Variants in IL1RAPL1 observed in about 807,000 individuals in gnomAD.
The protein encoded by IL1RAPL1 is interleukin 1 receptor accessory protein like 1.
A neutral mutation model predicts 48.4 loss-of-function variants in IL1RAPL1; 3 were observed. The ratio of observed to expected loss-of-function variants is 0.06; its 90% CI spans 0.03 to 0.16. IL1RAPL1 has a LOEUF of 0.16. Among genes scored for constraint, IL1RAPL1 ranks in the 10% least tolerant of loss-of-function variants. The pLI, the probability that IL1RAPL1 is intolerant of heterozygous loss-of-function variation, is 1.00. For synonymous variants in IL1RAPL1, 185 were observed against 187.7 expected (o/e 0.99, Z 0.12); for missense variants, 349 against 530.6 (o/e 0.66, Z 3.36).
intron 1 of IL1RAPL1, among the ~76,000 whole-genome samples, chrX:28,776,562 C>T (rs1026658852): frequency 1.8e-5 from 2 of 111,783 alleles, no homozygotes; most frequent in Non-Finnish European, 3.8e-5. Flanking sequence ...GCATAGTCTG[C>T]AGGTTGAACA....
At chrX:28,775,718 A>G (rs1366211122) in intron 1 of IL1RAPL1, among the ~76,000 whole-genome samples, 2 of 112,742 alleles carry the variant, frequency 1.8e-5, no homozygotes, top group African/African-American at 6.4e-5. Context: ...TTTGTGTCTC[A>G]CTTAGTTCCA....
chrX:28,687,923 G>A (rs1443081726), intron 1 of IL1RAPL1, among the ~76,000 whole-genome samples: 4 of 110,563 alleles, frequency 3.6e-5, no homozygotes, highest in Non-Finnish European at 7.6e-5. Context: ...CCAACATGGC[G>A]AAACTTCGTC....
intron 2 of IL1RAPL1, among the ~76,000 whole-genome samples, chrX:28,990,573 A>G (rs1925580244): frequency 8.9e-6 from 1 of 111,971 alleles, no homozygotes; most frequent in Non-Finnish European, 1.9e-5. Context: ...CCTATAACTA[A>G]GAATGAGGCC....
At chrX:29,288,264 C>A (rs2147603205) in intron 3 of IL1RAPL1, among the ~76,000 whole-genome samples, 1 of 110,904 alleles carries the variant, frequency 9.0e-6, no homozygotes, top group South Asian at 3.8e-4. Context: ...GGTATTAAGT[C>A]CAGCATGCAT....
At chrX:29,217,829 T>C (rs1196567082) in intron 2 of IL1RAPL1, among the ~76,000 whole-genome samples, 1 of 107,759 alleles carries the variant, frequency 9.3e-6, no homozygotes, top group Non-Finnish European at 1.9e-5. Flanking sequence ...TTACTTGTAT[T>C]ATACAAAAGC....
chrX:28,651,954 A>G, intron 1 of IL1RAPL1, among the ~76,000 whole-genome samples: 1 of 111,663 alleles, frequency 9.0e-6, no homozygotes, highest in Middle Eastern at 4.6e-3. Flanking sequence ...AGTCTTTAAA[A>G]ATCCCTCCAC....
intron 9 of IL1RAPL1, among the ~76,000 whole-genome samples, chrX:29,952,580 T>A (rs1933340473): frequency 8.9e-6 from 1 of 112,520 alleles, no homozygotes; most frequent in Non-Finnish European, 1.9e-5. Context: ...GACTTTATTG[T>A]GTGCTTTCAT....
intron 6 of IL1RAPL1, among the ~76,000 whole-genome samples, chrX:29,823,970 A>G (rs1930675917): frequency 8.9e-6 from 1 of 111,857 alleles, no homozygotes; most frequent in Non-Finnish European, 1.9e-5. Context: ...GTCTATGTGT[A>G]GCCAATCTCC....
intron 8 of IL1RAPL1, among the ~76,000 whole-genome samples, chrX:29,923,673 T>TTA (rs1358762433): frequency 1.8e-5 from 2 of 112,525 alleles, no homozygotes; most frequent in African/African-American, 6.5e-5. Flanking sequence ...TTTGAATCTT[T>TTA]TACCCAGATA....
intron 1 of IL1RAPL1, among the ~76,000 whole-genome samples, chrX:28,723,424 G>T (rs1408584011): frequency 9.0e-6 from 1 of 111,305 alleles, no homozygotes; most frequent in African/African-American, 3.3e-5. Context: ...GTATTTCTGT[G>T]GGATCAGTGG....
At chrX:29,368,626 C>T (rs1449280711) in intron 3 of IL1RAPL1, among the ~76,000 whole-genome samples, 1 of 99,463 alleles carries the variant, frequency 1.0e-5, no homozygotes, top group Admixed American at 1.1e-4. Flanking sequence ...ACAGGGTCTC[C>T]CTAGGTTGCC....
intron 2 of IL1RAPL1, among the ~76,000 whole-genome samples, chrX:28,970,824 A>G (rs909718123): frequency 8.9e-6 from 1 of 111,767 alleles, no homozygotes; most frequent in Admixed American, 9.6e-5. Flanking sequence ...AAACAGAAAG[A>G]AAACCCTAAC....
At chrX:29,031,993 C>T (rs562347789) in intron 2 of IL1RAPL1, among the ~76,000 whole-genome samples, 2 of 111,429 alleles carry the variant, frequency 1.8e-5, no homozygotes, top group Admixed American at 1.9e-4. Flanking sequence ...ACCTACGTAC[C>T]CACCTACCTA....
chrX:29,283,606 C>T (rs1932235694), intron 3 of IL1RAPL1, among the ~76,000 whole-genome samples: 1 of 112,224 alleles, frequency 8.9e-6, no homozygotes, highest in African/African-American at 3.2e-5. Context: ...AGCATGGATA[C>T]TTCTGGTTCA....
At chrX:29,029,234 T>C (rs2147407855) in intron 2 of IL1RAPL1, among the ~76,000 whole-genome samples, 1 of 111,215 alleles carries the variant, frequency 9.0e-6, no homozygotes, top group African/African-American at 3.3e-5. Context: ...AAGCTATAAT[T>C]CAAGATGAGA....
chrX:29,897,599 G>A (rs1932411905), intron 6 of IL1RAPL1, among the ~76,000 whole-genome samples: 1 of 112,006 alleles, frequency 8.9e-6, no homozygotes. Context: ...TGGAAATAGT[G>A]GAGCTAGTTT....
At chrX:29,534,266 C>T (rs1921140355) in intron 5 of IL1RAPL1, among the ~76,000 whole-genome samples, 1 of 111,563 alleles carries the variant, frequency 9.0e-6, no homozygotes, top group African/African-American at 3.3e-5. Context: ...GACTTACGAG[C>T]CCTCTGTTAA....
intron 6 of IL1RAPL1, among the ~76,000 whole-genome samples, chrX:29,815,354 T>C: frequency 8.9e-6 from 1 of 111,773 alleles, no homozygotes; most frequent in East Asian, 2.8e-4. Context: ...GTAAATGGGA[T>C]TGCATTCTTG....
chrX:29,230,507 A>AAAAAAAAAAAC (rs1931172508), intron 2 of IL1RAPL1, among the ~76,000 whole-genome samples: 1 of 80,924 alleles, frequency 1.2e-5, no homozygotes, highest in Non-Finnish European at 2.3e-5. Context: ...CCTTTACCAA[A>AAAAAAAAAAAC]AAAAAAAAAA....
Sources: gnomAD v4.1 joint callset for allele counts (sites outside exome capture counted in the v4.1 genomes callset) on GRCh38, gnomAD v4.1.1 for gene constraint, MANE v1.5 for transcripts, NCBI Gene and HGNC (gene_info 2026-07-23, HGNC 2026-07-21) for gene names.